LINGO2: variants seen among roughly 807,000 people sequenced by gnomAD.
LINGO2 encodes leucine rich repeat and Ig domain containing 2.
In LINGO2, 14 loss-of-function variants were observed where a neutral mutation model predicts 30.6. The observed-to-expected ratio is 0.46, with a 90% CI of 0.30 to 0.72. LINGO2 has a LOEUF of 0.72. LINGO2 is among the 30% of genes least tolerant of loss of function. LINGO2 has a pLI of 0.07. For synonymous variants in LINGO2, 317 were observed against 288.5 expected (o/e 1.10, Z -1.00); for missense variants, 729 against 751.7 (o/e 0.97, Z 0.35).
chr9:28,960,949 A>G, the LINGO2 span, among the ~76,000 whole-genome samples: 2 of 152,134 alleles, frequency 1.3e-5, no homozygotes, highest in South Asian at 4.1e-4. Flanking sequence ...ATGAATCACT[A>G]CTAATCACAA....
intron 5 of LINGO2, 88 bp from the exon 7 acceptor site, chr9:27,950,794 A>G: frequency 1.6e-6 from 1 of 619,152 alleles, no homozygotes; most frequent in Non-Finnish European, 2.5e-6. Context: ...AGCAAGTGTA[A>G]TGGAAAGGAT....
the LINGO2 span, among the ~76,000 whole-genome samples, chr9:28,796,819 T>C: frequency 6.6e-6 from 1 of 151,872 alleles, no homozygotes; most frequent in African/African-American, 2.4e-5. Flanking sequence ...ATGCATCCAA[T>C]ATAATGTTAA....
intron 1 of LINGO2, among the ~76,000 whole-genome samples, chr9:28,601,218 C>T (rs1225149433): frequency 6.6e-6 from 1 of 152,162 alleles, no homozygotes; most frequent in African/African-American, 2.4e-5. Flanking sequence ...GAGCTGATAT[C>T]GCAGATAGCC....
At chr9:29,063,565 A>T in the LINGO2 span, among the ~76,000 whole-genome samples, 1 of 151,906 alleles carries the variant, frequency 6.6e-6, no homozygotes, top group East Asian at 1.9e-4. Flanking sequence ...TGCCCGGCGA[A>T]TATCTGTATT....
At chr9:28,906,994 A>G in the LINGO2 span, among the ~76,000 whole-genome samples, 2 of 151,994 alleles carry the variant, frequency 1.3e-5, no homozygotes, top group African/African-American at 4.8e-5. Context: ...AGCAAATTTT[A>G]TAAGTGCTGA....
chr9:28,090,572 A>G (rs1375859957), intron 4 of LINGO2, among the ~76,000 whole-genome samples: 1 of 152,174 alleles, frequency 6.6e-6, no homozygotes, highest in African/African-American at 2.4e-5. Context: ...TCACAAAATA[A>G]TAAGAGCTAT....
chr9:28,235,041 A>G (rs2133950496), intron 4 of LINGO2, among the ~76,000 whole-genome samples: 1 of 152,300 alleles, frequency 6.6e-6, no homozygotes, highest in East Asian at 1.9e-4. Context: ...GAAATTCACC[A>G]TCCTAAAGGG....
intron 1 of LINGO2, among the ~76,000 whole-genome samples, chr9:28,666,117 C>A (rs917215200): frequency 3.9e-5 from 6 of 151,958 alleles, no homozygotes; most frequent in Non-Finnish European, 8.8e-5. Context: ...GTCTCGAACT[C>A]CTGACCTCAG....
chr9:28,785,648 C>A, the LINGO2 span, among the ~76,000 whole-genome samples: 1 of 137,332 alleles, frequency 7.3e-6, no homozygotes, highest in Non-Finnish European at 1.6e-5. Context: ...CCCCGCCACC[C>A]AGGGCCCTTC....
chr9:28,148,352 A>C lies in LINGO2; in HGVS notation c.-86-135947T>G. 1.0e-6 allele frequency: 1 copy of C among 993,258 alleles called. No homozygotes were observed. Among genetic ancestry groups the C allele is most frequent in the Non-Finnish European group, 1.5e-6 (1 of 651,602 alleles). 61.5% of individuals were successfully genotyped at this position (993,258 alleles called of 1,614,324 possible). On this transcript the variant is annotated intron_variant, in intron 4 of 5. Coordinates refer to ENST00000379992, the Ensembl canonical transcript of LINGO2. This position sits in a 1 kb window ranked among gnomAD's most constrained non-coding sequence, Gnocchi z 5.1. ...GTTTGGACACCTCAGCCCCGTGAGG[A>C]TTCCTCATCTCAGAGGCAAGTTTAA...
intron 1 of LINGO2, among the ~76,000 whole-genome samples, chr9:28,612,118 AT>A (rs1396439957): frequency 6.6e-6 from 1 of 152,044 alleles, no homozygotes; most frequent in Non-Finnish European, 1.5e-5. Context: ...AAAAAGTGCA[AT>A]GGGGCAATCA....
the LINGO2 span, among the ~76,000 whole-genome samples, chr9:28,917,451 G>GT: frequency 5.9e-3 from 893 of 150,370 alleles, 14 homozygotes; most frequent in African/African-American, 0.02. Context: ...GTTTTTTTGG[G>GT]TTTTTTTTTC....
chr9:28,669,219 T>A (rs1828920803), intron 1 of LINGO2, among the ~76,000 whole-genome samples: 1 of 152,158 alleles, frequency 6.6e-6, no homozygotes, highest in Non-Finnish European at 1.5e-5. Context: ...GGTAATCACC[T>A]ATGTACAACT....
chr9:29,098,997 T>A, the LINGO2 span, among the ~76,000 whole-genome samples: 1 of 152,092 alleles, frequency 6.6e-6, no homozygotes. Context: ...AGAGCTATAG[T>A]AACCAAAACA....
the LINGO2 span, among the ~76,000 whole-genome samples, chr9:29,008,519 T>C: frequency 1.3e-5 from 2 of 152,208 alleles, no homozygotes; most frequent in East Asian, 1.9e-4. Flanking sequence ...TCCACAATGG[T>C]TGAACAACTT....
At chr9:28,015,489 A>ATAACG (rs67856468) in intron 4 of LINGO2, among the ~76,000 whole-genome samples, 1 of 66 alleles carries the variant, frequency 0.015, no homozygotes, top group Non-Finnish European at 0.083. Flanking sequence ...CAACGTTTAA[A>ATAACG]TAAGAAAATT....
chr9:28,563,454 C>T (rs545852818), intron 1 of LINGO2, among the ~76,000 whole-genome samples: 3 of 152,170 alleles, frequency 2.0e-5, no homozygotes, highest in East Asian at 1.9e-4. Flanking sequence ...AAAGAATAAT[C>T]CTCTCTAAAG....
chr9:28,201,595 G>A (rs570484841), intron 4 of LINGO2, among the ~76,000 whole-genome samples: 205 of 151,310 alleles, frequency 1.4e-3, no homozygotes, highest in East Asian at 9.8e-3. Context: ...TATATACCCA[G>A]TAATGGGATG....
At chr9:28,947,383 T>A in the LINGO2 span, among the ~76,000 whole-genome samples, 3 of 152,108 alleles carry the variant, frequency 2.0e-5, no homozygotes, top group Non-Finnish European at 4.4e-5. Context: ...GCTAGTTTCA[T>A]CAATTTGGAT....
Sources: allele counts gnomAD v4.1 joint callset (sites outside exome capture counted in the v4.1 genomes callset), GRCh38; gene constraint gnomAD v4.1.1; non-coding constraint Gnocchi (gnomAD v3.1); transcripts MANE v1.5; gene names NCBI Gene and HGNC (gene_info 2026-07-23, HGNC 2026-07-21).